BBX: variants seen among roughly 807,000 people sequenced by gnomAD.
BBX encodes BBX high mobility group box domain containing.
In BBX, 30 loss-of-function variants were observed where a neutral mutation model predicts 100.2. That is an observed-to-expected ratio of 0.30 (90% confidence interval 0.22 to 0.41). The LOEUF is 0.41. BBX is among the 10% of genes least tolerant of loss of function. The probability of loss-of-function intolerance (pLI) is 1.00; values close to 1 mark genes in which losing one functional copy is unlikely to be tolerated. For missense variants in BBX, 1,023 were observed against 1,129.8 expected, an observed-to-expected ratio of 0.91 and a Z score of 1.35; for synonymous variants, 376 against 388.1, an observed-to-expected ratio of 0.97 and a Z score of 0.37.
chr3:107,594,803 A>G (rs2053568712), intron 2 of BBX, among the ~76,000 whole-genome samples: 4 of 152,164 alleles, frequency 2.6e-5, no homozygotes. Context: ...TGAAGAAAAA[A>G]AAAATTTGAT....
chr3:107,708,709 A>T (rs2061535177), intron 3 of BBX, among the ~76,000 whole-genome samples: 1 of 151,994 alleles, frequency 6.6e-6, no homozygotes, highest in South Asian at 2.1e-4. Context: ...AACTTTTATT[A>T]AAAATGAAGA....
At chr3:107,612,444 C>G (rs2054909307) in intron 2 of BBX, among the ~76,000 whole-genome samples, 1 of 152,058 alleles carries the variant, frequency 6.6e-6, no homozygotes, top group Admixed American at 6.6e-5. Flanking sequence ...GTAGTTGTAT[C>G]TGTATTAGGG....
At chr3:107,643,609 T>C (rs2057348768) in intron 2 of BBX, among the ~76,000 whole-genome samples, 2 of 151,908 alleles carry the variant, frequency 1.3e-5, no homozygotes, top group Non-Finnish European at 2.9e-5. Flanking sequence ...TGCCCAGGCG[T>C]TGGTCTCAGG....
intron 2 of BBX, among the ~76,000 whole-genome samples, chr3:107,608,645 T>C (rs1576479601): frequency 6.6e-6 from 1 of 152,318 alleles, no homozygotes; most frequent in South Asian, 2.1e-4. Flanking sequence ...ATCCGTAGAT[T>C]GCTTGGGTAG....
intron 13 of BBX, among the ~76,000 whole-genome samples, chr3:107,789,523 T>C (rs1203347365): frequency 6.6e-6 from 1 of 152,234 alleles, no homozygotes; most frequent in Non-Finnish European, 1.5e-5. Context: ...TTCTACTCAC[T>C]GTATCTGCAG....
chr3:107,584,853 A>G (rs681578), intron 2 of BBX, among the ~76,000 whole-genome samples: 115,034 of 151,360 alleles, frequency 0.76, 44,994 homozygotes, highest in Middle Eastern at 0.84. Flanking sequence ...AACCACACCC[A>G]GTGGTTTTAA....
At chr3:107,672,824 AT>A (rs2059087453) in intron 3 of BBX, among the ~76,000 whole-genome samples, 1 of 152,052 alleles carries the variant, frequency 6.6e-6, no homozygotes, top group Non-Finnish European at 1.5e-5. Flanking sequence ...ATGAAGTGAA[AT>A]TTTTATCCTT....
chr3:107,795,613 C>CTTTTTTTTT (rs1158136233), intron 15 of BBX, among the ~76,000 whole-genome samples: 10 of 60,034 alleles, frequency 1.7e-4, no homozygotes, highest in East Asian at 4.4e-4. Flanking sequence ...CCGACGTAGT[C>CTTTTTTTTT]TTTTTTTTTT....
At chr3:107,575,789 A>G (rs1448615551) in intron 2 of BBX, among the ~76,000 whole-genome samples, 1 of 152,182 alleles carries the variant, frequency 6.6e-6, no homozygotes, top group Non-Finnish European at 1.5e-5. Context: ...AGTAAATAGC[A>G]AGTTTTCTAA....
chr3:107,535,780 GGA>G (rs945643845), intron 2 of BBX, among the ~76,000 whole-genome samples: 1 of 152,034 alleles, frequency 6.6e-6, no homozygotes, highest in Non-Finnish European at 1.5e-5. Flanking sequence ...AATGTTTTTA[GGA>G]GAGACAAGGT....
intron 10 of BBX, among the ~76,000 whole-genome samples, chr3:107,761,978 C>T (rs1231528821): frequency 6.6e-6 from 1 of 152,178 alleles, no homozygotes; most frequent in Non-Finnish European, 1.5e-5. Flanking sequence ...CACCTCAGCT[C>T]CTCCTACACT....
intron 3 of BBX, among the ~76,000 whole-genome samples, chr3:107,692,918 T>A (rs1195702628): frequency 6.8e-6 from 1 of 147,214 alleles, no homozygotes; most frequent in African/African-American, 2.5e-5. Context: ...TATCTCGTTG[T>A]GGTTTTGATT....
chr3:107,804,563 T>C (rs1181347863), intron 17 of BBX, among the ~76,000 whole-genome samples: 1 of 152,190 alleles, frequency 6.6e-6, no homozygotes, highest in Non-Finnish European at 1.5e-5. Flanking sequence ...AAATTGTATT[T>C]TTACTACTAA....
At chr3:107,661,984 C>T (rs2058470491) in intron 3 of BBX, 1 of 826,102 alleles carries the variant, frequency 1.2e-6, no homozygotes, top group Admixed American at 6.2e-5. Context: ...ACTGTTCACG[C>T]AGCATAGTTG....
At position 107,599,004 on chromosome 3, in the gene BBX, A is replaced by G. The variant is rs1271735917; in HGVS notation, c.-83-46832A>G. 2.0e-5 allele frequency among the ~76,000 whole-genome samples: 3 copies of G among 152,092 alleles called. No homozygotes were observed. The East Asian group carries it at 5.8e-4, about 29-fold the overall frequency. On this transcript the variant is annotated intron_variant, in intron 2 of 17. Coordinates refer to ENST00000325805, the MANE Select transcript of BBX (RefSeq NM_001142568.3). ...GACCCTGGGGGAGGAAGGGGATATTAACAGGTCAGAGTAGAGGTGGATTGG... is the reference window on the plus strand; with the variant it reads ...GACCCTGGGGGAGGAAGGGGATATTGACAGGTCAGAGTAGAGGTGGATTGG...
chr3:107,716,867 G>C lies in BBX; in HGVS notation c.405+18G>C, dbSNP rs770557356. On this transcript the variant is annotated intron_variant, in intron 5 of 17. Coordinates refer to ENST00000325805, the MANE Select transcript of BBX (RefSeq NM_001142568.3). ...CCAAGGAGGTAGGTTACAATGACAA[G>C]GTATTCTGATAGCTAAAAGCAACCA... 3.1e-6 allele frequency: 5 copies of C among 1,610,274 alleles called. No homozygotes were observed. Among genetic ancestry groups the C allele is most frequent in the Non-Finnish European group, 4.2e-6 (5 of 1,177,164 alleles).
intron 2 of BBX, among the ~76,000 whole-genome samples, chr3:107,604,101 G>A (rs988375200): frequency 1.3e-5 from 2 of 152,034 alleles, no homozygotes; most frequent in Middle Eastern, 3.2e-3. Flanking sequence ...CCCATTGCCC[G>A]GGCCTTTCCC....
At chr3:107,658,930 T>G (rs1170647610) in intron 3 of BBX, among the ~76,000 whole-genome samples, 1 of 152,126 alleles carries the variant, frequency 6.6e-6, no homozygotes, top group African/African-American at 2.4e-5. Context: ...GTCTGTGCAG[T>G]TTTATGATGT....
At chr3:107,795,133 G>C (rs924724044) in intron 15 of BBX, among the ~76,000 whole-genome samples, 4 of 152,156 alleles carry the variant, frequency 2.6e-5, no homozygotes, top group African/African-American at 9.7e-5. Context: ...ATTAGGTTGC[G>C]GGTTGTCGGG....
Sources: allele counts gnomAD v4.1 joint callset (sites outside exome capture counted in the v4.1 genomes callset), GRCh38; gene constraint gnomAD v4.1.1; transcripts MANE v1.5; gene names NCBI Gene and HGNC (gene_info 2026-07-23, HGNC 2026-07-21).